Variants in SERINC2 observed in about 807,000 individuals in gnomAD.
SERINC2 encodes tumor differentially expressed protein 2.
Under a neutral mutation model 54.2 loss-of-function variants are expected in SERINC2, and 56 were observed. That is an observed-to-expected ratio of 1.03 (90% confidence interval 0.83 to 1.29). SERINC2 has a LOEUF of 1.29. SERINC2 is among the 50% of genes most tolerant of loss of function. The pLI, the probability that SERINC2 is intolerant of heterozygous loss-of-function variation, is 0.00. For synonymous variants in SERINC2, 272 were observed against 253.1 expected, an observed-to-expected ratio of 1.07 and a Z score of -0.71; for missense variants, 614 against 607.4, an observed-to-expected ratio of 1.01 and a Z score of -0.12.
intron 8 of SERINC2, among the ~76,000 whole-genome samples, chr1:31,432,012 T>TAGGGTGGACAGGGTGGAC (rs1557500599): frequency 5.8e-4 from 15 of 25,916 alleles, no homozygotes; most frequent in Non-Finnish European, 1.1e-3. Flanking sequence ...ATAGGGTGGA[T>TAGGGTGGACAGGGTGGAC]AGGGTGGACA....
At position 31,413,219 on chromosome 1, in the gene SERINC2, CGCGCCCCGCGCCCG is replaced by C; in HGVS notation, c.-41_-28del. The C allele has an allele frequency of 1.8e-6, 2 of 1,105,084 alleles. No homozygotes were observed. The highest frequency in any genetic ancestry group is 2.2e-6 in the Non-Finnish European group (2 of 910,186). The allele number at this position is 1,105,084 out of a possible 1,614,324, so 68.5% of individuals were successfully genotyped here. On this transcript the variant is annotated 5_prime_UTR_variant, in exon 1 of 10. Transcript: ENST00000373709. This position sits in a 1 kb window ranked among gnomAD's most constrained non-coding sequence, Gnocchi z 5.0. ...GGCCCGGCACCCGGATCCCGAGGTC[CGCGCCCCGCGCCCG>C]GCGCCGGGCGCCCGAAGCCGGGAGC...
chr1:31,419,894 A>C (rs1640865907), intron 1 of SERINC2, among the ~76,000 whole-genome samples: 1 of 152,182 alleles, frequency 6.6e-6, no homozygotes, highest in African/African-American at 2.4e-5. Flanking sequence ...CTGTGGTCCC[A>C]GCTACTCCGG....
upstream of SERINC2, chr1:31,413,099 T>C: frequency 5.0e-6 from 5 of 992,078 alleles, no homozygotes; most frequent in Non-Finnish European, 6.0e-6. The surrounding 1 kb of genome is among the most constrained non-coding windows in gnomAD (Gnocchi z 5.0). Context: ...CTGCCCCAGG[T>C]GAGTCTGGGG....
intron 8 of SERINC2, among the ~76,000 whole-genome samples, chr1:31,431,331 T>G (rs1232945456): frequency 6.6e-6 from 1 of 151,006 alleles, no homozygotes; most frequent in Non-Finnish European, 1.5e-5. Context: ...AGACACTATG[T>G]TGCCCAGGAT....
intron 6 of SERINC2, among the ~76,000 whole-genome samples, 162 bp downstream of exon 6, chr1:31,426,985 G>A (rs1190179402): frequency 6.6e-6 from 1 of 152,146 alleles, no homozygotes; most frequent in Admixed American, 6.5e-5. Context: ...GGCTCTCACG[G>A]CTTCATGCTG....
chr1:31,410,327 A>T, upstream of SERINC2: 2 of 1,545,776 alleles, frequency 1.3e-6, no homozygotes, highest in Non-Finnish European at 1.7e-6. Flanking sequence ...TCCTCACTTC[A>T]TCTCCTCAGT....
upstream of SERINC2, among the ~76,000 whole-genome samples, chr1:31,410,628 G>A (rs4949208): frequency 0.98 from 149,182 of 152,350 alleles, 73,118 homozygotes; most frequent in East Asian, 1. Context: ...ATTTCTGAGA[G>A]TGTCTTTGCA....
intron 8 of SERINC2, among the ~76,000 whole-genome samples, chr1:31,431,841 T>TAGGATGGTTAGGGTGGAC: frequency 2.8e-5 from 1 of 36,096 alleles, no homozygotes; most frequent in South Asian, 9.5e-4. Context: ...ATAGGGTGGA[T>TAGGATGGTTAGGGTGGAC]AGGGTGGATA....
chr1:31,433,700 G>T (rs1354995022), intron 9 of SERINC2, among the ~76,000 whole-genome samples: 1 of 152,080 alleles, frequency 6.6e-6, no homozygotes, highest in African/African-American at 2.4e-5. Context: ...TAAGGTCAGG[G>T]GCCACCCCTA....
At chr1:31,412,296 T>C (rs1449306803), upstream of SERINC2, among the ~76,000 whole-genome samples, 1 of 152,106 alleles carries the variant, frequency 6.6e-6, no homozygotes, top group African/African-American at 2.4e-5. Context: ...CACCTACCCC[T>C]GGAAAGCCAT....
At position 31,431,330 on chromosome 1, in the gene SERINC2, G is replaced by T. The variant is rs192822667; in HGVS notation, c.1014-1637G>T. The stretch of plus-strand genomic sequence containing the variant: ...TTTTTTTTTTTTGTAGAGACACTAT[G>T]TTGCCCAGGATGGCCTTGAACTCCT... On this transcript the variant is annotated intron_variant, in intron 8 of 9. Transcript: ENST00000373709. Among the ~76,000 whole-genome samples, 66 of 141,724 alleles carry T rather than the reference G, an allele frequency of 4.7e-4. No homozygotes were observed. The East Asian group carries it at 0.011, about 23-fold the overall frequency. 93.0% of individuals were successfully genotyped at this position (141,724 alleles called of 152,430 possible). A position where few individuals can be genotyped will look rare whatever the true frequency, so the allele number is the denominator to read the frequency against.
chr1:31,424,657 T>C, intron 2 of SERINC2, 26 bp from the exon 3 acceptor site: 1 of 1,551,432 alleles, frequency 6.4e-7, no homozygotes, highest in Non-Finnish European at 8.7e-7. Flanking sequence ...GGTGGGGCTT[T>C]GACGCTGCTC....
In SERINC2 at chr1:31,425,024, T is replaced by G. The variant is rs974093704; in HGVS notation, c.392+151T>G. On this transcript the variant is annotated intron_variant, in intron 3 of 9. Coordinates refer to ENST00000373709, the MANE Select transcript of SERINC2 (RefSeq NM_178865.5). ...AACAGCTCTGAGTTATATCCATTTC[T>G]CAGATGAAGAGTAAGGCTCAGAAAG... 3.6e-5 allele frequency: 24 copies of G among 673,826 alleles called. 1 individual carries two copies. The highest frequency in any genetic ancestry group is 4.0e-4 in the Middle Eastern group (1 of 2,472). The allele number at this position is 673,826 out of a possible 1,614,324, so 41.7% of individuals were successfully genotyped here.
At chr1:31,416,516 C>T (rs529896235) in intron 1 of SERINC2, among the ~76,000 whole-genome samples, 2 of 152,200 alleles carry the variant, frequency 1.3e-5, no homozygotes, top group South Asian at 2.1e-4. Flanking sequence ...GGGACATTTC[C>T]GGCTGACCTC....
At chr1:31,412,862 C>T (rs1435815253), upstream of SERINC2, among the ~76,000 whole-genome samples, 1 of 152,206 alleles carries the variant, frequency 6.6e-6, no homozygotes, top group Non-Finnish European at 1.5e-5. Flanking sequence ...ACGTATTGAG[C>T]AGAGGCCCTG....
At chr1:31,416,946 C>T (rs1177861661) in intron 1 of SERINC2, among the ~76,000 whole-genome samples, 1 of 152,168 alleles carries the variant, frequency 6.6e-6, no homozygotes, top group Non-Finnish European at 1.5e-5. Flanking sequence ...TCTCGAACTC[C>T]TGATCTCAAG....
rs891342959 is a variant in SERINC2 at position 31,420,857 on chromosome 1, C to T, written c.40-2836C>T. 2.0e-5 allele frequency among the ~76,000 whole-genome samples: 3 copies of T among 152,178 alleles called. No homozygotes were observed. The East Asian group carries it at 5.8e-4, about 29-fold the overall frequency. On this transcript the variant is annotated intron_variant, in intron 1 of 9. Coordinates refer to ENST00000373709, the MANE Select transcript of SERINC2 (RefSeq NM_178865.5). ...TAAATGGTAGCTGCCACTAATACTA[C>T]TTGAATCTCAGTGCTGTTATCAACT...
upstream of SERINC2, chr1:31,410,240 C>A: frequency 6.8e-7 from 1 of 1,470,586 alleles, no homozygotes; most frequent in South Asian, 1.4e-5. Flanking sequence ...ACTCTGGCCC[C>A]ATGCAGGAGG....
intron 9 of SERINC2, 48 bp downstream of exon 9, chr1:31,433,233 G>T (rs782473216): frequency 6.7e-7 from 1 of 1,486,150 alleles, no homozygotes; most frequent in Non-Finnish European, 9.4e-7. Context: ...GCAGGGTGCA[G>T]GTCCACACAT....
Sources: allele counts gnomAD v4.1 joint callset (sites outside exome capture counted in the v4.1 genomes callset), GRCh38; gene constraint gnomAD v4.1.1; non-coding constraint Gnocchi (gnomAD v3.1); transcripts MANE v1.5; gene names NCBI Gene and HGNC (gene_info 2026-07-23, HGNC 2026-07-21).